The following PLOD2 variants were observed in gnomAD, a reference collection of about 807,000 sequenced individuals.
PLOD2 encodes the protein lysine hydroxylase 2.
Under a neutral mutation model 101.0 loss-of-function variants are expected in PLOD2, and 65 were observed. The observed-to-expected ratio is 0.64, with a 90% CI of 0.53 to 0.79. The LOEUF is 0.79. Among genes scored for constraint, PLOD2 ranks in the 30% least tolerant of loss-of-function variants. The pLI is 0.00. For missense variants in PLOD2, 909 were observed against 914.6 expected, an observed-to-expected ratio of 0.99 and a Z score of 0.08; for synonymous variants, 314 against 302.9, an observed-to-expected ratio of 1.04 and a Z score of -0.38.
At chr3:146,135,239 G>A (rs927080700) in intron 1 of PLOD2, among the ~76,000 whole-genome samples, 1 of 152,076 alleles carries the variant, frequency 6.6e-6, no homozygotes, top group African/African-American at 2.4e-5. Context: ...CCCCTAACAA[G>A]TTGCTGAAGT....
intron 1 of PLOD2, among the ~76,000 whole-genome samples, chr3:146,144,923 A>G (rs1483793329): frequency 2.0e-5 from 3 of 152,060 alleles, no homozygotes; most frequent in African/African-American, 7.2e-5. Context: ...ACAAATTTAA[A>G]TTTATTCTTA....
intron 7 of PLOD2, among the ~76,000 whole-genome samples, chr3:146,097,176 G>C (rs1937220698): frequency 6.7e-6 from 1 of 149,642 alleles, no homozygotes; most frequent in Admixed American, 6.6e-5. Flanking sequence ...GGAGGGAGGT[G>C]GGGGGTCAGC....
At chr3:146,088,954 T>C in intron 8 of PLOD2, 1 of 476,408 alleles carries the variant, frequency 2.1e-6, no homozygotes, top group Non-Finnish European at 3.8e-6. Context: ...GATGAAATTA[T>C]CCTATTTATT....
At chr3:146,106,742 C>T (rs996161423) in intron 4 of PLOD2, 98 bp from the exon 5 acceptor site, 1 of 762,776 alleles carries the variant, frequency 1.3e-6, no homozygotes, top group Admixed American at 1.8e-5. Context: ...GTTGTGAAGT[C>T]ATGAAGCCTA....
rs74863219 is a variant in PLOD2, at chr3:146,073,185, T to C, written c.1743+102A>G. The C allele has an allele frequency of 9.9e-4, 552 of 556,260 alleles. 2 individuals are homozygous for C. Among genetic ancestry groups the C allele is most frequent in the African/African-American group, 9.6e-3 (498 of 52,084 alleles). The allele number at this position is 556,260 out of a possible 1,614,324, so 34.5% of individuals were successfully genotyped here. The stretch of plus-strand genomic sequence containing the variant: ...AATCAAATAAATTTTACCTAAAAGG[T>C]AGTTTCTCCACTTTCACATCTTCTG... On this transcript the variant is annotated intron_variant, in intron 16 of 19. Coordinates refer to ENST00000282903, the MANE Select transcript of PLOD2 (RefSeq NM_182943.3).
intron 1 of PLOD2, among the ~76,000 whole-genome samples, chr3:146,155,786 C>T (rs2032280746): frequency 6.6e-6 from 1 of 151,186 alleles, no homozygotes; most frequent in South Asian, 2.1e-4. Context: ...GGCAAGCATT[C>T]TACAACAAAT....
At chr3:146,085,985 T>C (rs1414495176) in intron 10 of PLOD2, 3 of 152,038 alleles carry the variant, frequency 2.0e-5, no homozygotes, top group African/African-American at 7.2e-5. Context: ...TCATGAAAAA[T>C]ATTAAAGAAA....
intron 11 of PLOD2, among the ~76,000 whole-genome samples, chr3:146,084,476 C>T (rs569669839): frequency 7.2e-5 from 11 of 152,016 alleles, no homozygotes; most frequent in East Asian, 3.9e-4. Context: ...ACATTTCACC[C>T]GCTAAACATT....
intron 7 of PLOD2, among the ~76,000 whole-genome samples, chr3:146,097,233 G>A (rs2094621436): frequency 1.3e-5 from 2 of 151,208 alleles, no homozygotes; most frequent in African/African-American, 4.9e-5. Flanking sequence ...GGGCGCTTCT[G>A]CCGGGCCGCC....
rs78162065 is a variant in PLOD2, at chr3:146,129,041, T to G, written c.110-4812A>C. On this transcript the variant is annotated intron_variant, in intron 1 of 19. Coordinates refer to ENST00000282903, the MANE Select transcript of PLOD2 (RefSeq NM_182943.3). ...TTAAACACAGTTCTTAATTTTAAAC[T>G]GGCAACAATAAAAAAAAATTATTGT... Among the ~76,000 whole-genome samples, 251 of 152,038 alleles carry G rather than the reference T, an allele frequency of 1.7e-3. 5 individuals carry two copies. In the East Asian group the frequency reaches 0.046, roughly 28 times the overall value.
chr3:146,116,230 CACACAG>C (rs1319379600), intron 3 of PLOD2, among the ~76,000 whole-genome samples: 2 of 151,942 alleles, frequency 1.3e-5, no homozygotes, highest in African/African-American at 2.4e-5. Context: ...ACCCTCAAAA[CACACAG>C]ACACAGACAC....
intron 17 of PLOD2, 73 bp from the exon 18 acceptor site, chr3:146,071,496 T>C: frequency 7.3e-7 from 1 of 1,370,542 alleles, no homozygotes; most frequent in Admixed American, 1.7e-5. Flanking sequence ...GTATTTTTTT[T>C]CAACCACAGA....
At chr3:146,119,778 T>C (rs1210065160) in intron 3 of PLOD2, among the ~76,000 whole-genome samples, 4 of 152,160 alleles carry the variant, frequency 2.6e-5, no homozygotes, top group African/African-American at 9.6e-5. Flanking sequence ...GAACTCATCA[T>C]TTTTTATGGC....
chr3:146,151,426 G>A (rs1245163637), intron 1 of PLOD2, among the ~76,000 whole-genome samples: 2 of 152,150 alleles, frequency 1.3e-5, no homozygotes, highest in Non-Finnish European at 2.9e-5. Flanking sequence ...GAACCCGAGA[G>A]GCGGAGGTTG....
intron 8 of PLOD2, among the ~76,000 whole-genome samples, chr3:146,090,659 C>T (rs1401799518): frequency 5.9e-5 from 9 of 151,734 alleles, no homozygotes; most frequent in Non-Finnish European, 1.2e-4. Flanking sequence ...ACCTTACTTT[C>T]AAGTAAAATA....
Position 146,096,890 on chromosome 3 carries a change from GA to G in PLOD2, c.778-4990del, listed in dbSNP as rs1246462849. On this transcript the variant is annotated intron_variant, in intron 7 of 19. Coordinates refer to ENST00000282903, the MANE Select transcript of PLOD2 (RefSeq NM_182943.3). ...CGTCCGGGAGGGAGGTGGGGGGGGGGAGTCGGCCAGCCGCCCCGTCCAGGAG... is the reference window on the plus strand; with the variant it reads ...CGTCCGGGAGGGAGGTGGGGGGGGGGGTCGGCCAGCCGCCCCGTCCAGGAG... Among the ~76,000 whole-genome samples, 97 of 118,782 alleles carry G rather than the reference GA, an allele frequency of 8.2e-4. 12 individuals carry two copies. The highest frequency in any genetic ancestry group is 2.9e-3 in the African/African-American group (80 of 27,550). 77.9% of individuals were successfully genotyped at this position (118,782 alleles called of 152,430 possible).
intron 3 of PLOD2, among the ~76,000 whole-genome samples, chr3:146,114,252 TGCC>T (rs1559856345): frequency 2.6e-5 from 4 of 151,190 alleles, no homozygotes; most frequent in Non-Finnish European, 4.4e-5. Flanking sequence ...TGCCTCTGTG[TGCC>T]TCTGTGACCC....
intron 4 of PLOD2, among the ~76,000 whole-genome samples, chr3:146,109,073 G>A (rs1937583178): frequency 2.6e-5 from 4 of 152,234 alleles, no homozygotes; most frequent in South Asian, 2.1e-4. Context: ...AGGCTTTGAC[G>A]GTTCACAAGC....
chr3:146,143,951 GCA>G (rs1233895719), intron 1 of PLOD2, among the ~76,000 whole-genome samples: 2 of 151,754 alleles, frequency 1.3e-5, no homozygotes, highest in African/African-American at 4.8e-5. Context: ...CCTAATGCAG[GCA>G]CACTGTTCTC....
Sources: gnomAD v4.1 joint callset for allele counts (sites outside exome capture counted in the v4.1 genomes callset) on GRCh38, gnomAD v4.1.1 for gene constraint, MANE v1.5 for transcripts, NCBI Gene and HGNC (gene_info 2026-07-23, HGNC 2026-07-21) for gene names.